The following CACNA1D variants were observed in gnomAD, a reference collection of about 807,000 sequenced individuals.
The protein encoded by CACNA1D is voltage-dependent L-type calcium channel subunit alpha-1D.
In CACNA1D, 55 loss-of-function variants were observed where a neutral mutation model predicts 257.1. The ratio of observed to expected loss-of-function variants is 0.21; its 90% CI spans 0.17 to 0.27. The LOEUF (loss-of-function observed/expected upper bound fraction) is 0.27, where lower values mean the gene tolerates loss of function less well. Ranked by LOEUF, CACNA1D falls within the 10% of genes least tolerant of loss-of-function variation. The probability of loss-of-function intolerance (pLI) is 1.00; values close to 1 mark genes in which losing one functional copy is unlikely to be tolerated. For missense variants in CACNA1D, 1,876 were observed against 2,784.0 expected (o/e 0.67, Z 7.34); for synonymous variants, 980 against 1,014.9 (o/e 0.97, Z 0.65).
chr3:53,614,913 T>C (rs568153677), intron 3 of CACNA1D, among the ~76,000 whole-genome samples: 1 of 152,142 alleles, frequency 6.6e-6, no homozygotes, highest in African/African-American at 2.4e-5. Flanking sequence ...TCCTGTGGAA[T>C]AGTCTGTTAT....
chr3:53,593,086 C>T (rs762768029), intron 3 of CACNA1D, among the ~76,000 whole-genome samples: 10 of 152,140 alleles, frequency 6.6e-5, no homozygotes, highest in African/African-American at 1.7e-4. Context: ...GCCTTTTTCA[C>T]GGTCTGGGGG....
intron 5 of CACNA1D, among the ~76,000 whole-genome samples, chr3:53,663,052 T>G (rs996166348): frequency 6.6e-6 from 1 of 152,168 alleles, no homozygotes; most frequent in African/African-American, 2.4e-5. Flanking sequence ...CATGTGGACA[T>G]TTACATATCC....
intron 22 of CACNA1D, among the ~76,000 whole-genome samples, 155 bp from the exon 23 acceptor site, chr3:53,744,585 C>A (rs978308270): frequency 6.6e-6 from 1 of 152,110 alleles, no homozygotes; most frequent in African/African-American, 2.4e-5. Context: ...GAGAAGTCGC[C>A]TCTGAGTCGT....
Position 53,767,562 on chromosome 3 carries a change from T to C in CACNA1D, c.3871-2411T>C, listed in dbSNP as rs2095340498. Among the ~76,000 whole-genome samples, 3 of 70,636 alleles carry C rather than the reference T, an allele frequency of 4.2e-5. 1 individual carries two copies. The South Asian group carries it at 1.1e-3, about 26-fold the overall frequency. 46.3% of individuals were successfully genotyped at this position (70,636 alleles called of 152,430 possible). ...GCCTGGGTGACAGAGGGAGACTCTA[T>C]CTCAAAAAAAAAAAAAAAACAACAA... On this transcript the variant is annotated intron_variant, in intron 30 of 47. Transcript: ENST00000350061.
chr3:53,749,230 G>T (rs2095202594), intron 26 of CACNA1D, 38 bp from the exon 27 acceptor site: 1 of 1,480,362 alleles, frequency 6.8e-7, no homozygotes, highest in Non-Finnish European at 9.4e-7. Flanking sequence ...GTGGGCTGGG[G>T]GGCTTGGCAG....
chr3:53,680,648 C>T (rs1184806661), intron 8 of CACNA1D, among the ~76,000 whole-genome samples: 1 of 152,180 alleles, frequency 6.6e-6, no homozygotes, highest in Admixed American at 6.5e-5. Context: ...AAAGCTGTTG[C>T]TACCTTAATA....
At chr3:53,645,552 G>C (rs2680656) in intron 3 of CACNA1D, among the ~76,000 whole-genome samples, 1 of 151,936 alleles carries the variant, frequency 6.6e-6, no homozygotes, top group Admixed American at 6.6e-5. Context: ...CAGTTTTACC[G>C]TACCCCTTAT....
intron 3 of CACNA1D, among the ~76,000 whole-genome samples, chr3:53,642,396 A>T (rs1469203088): frequency 6.6e-6 from 1 of 152,230 alleles, no homozygotes; most frequent in African/African-American, 2.4e-5. Flanking sequence ...GCTTATGCCT[A>T]TCCCCGAACC....
intron 3 of CACNA1D, among the ~76,000 whole-genome samples, chr3:53,548,542 T>C (rs2092463710): frequency 1.3e-5 from 2 of 152,108 alleles, no homozygotes; most frequent in African/African-American, 4.8e-5. Context: ...GATGGTGCCT[T>C]CAGGTTGCTT....
intron 27 of CACNA1D, among the ~76,000 whole-genome samples, chr3:53,750,017 T>C (rs1016126439): frequency 3.3e-5 from 5 of 152,182 alleles, no homozygotes; most frequent in African/African-American, 1.2e-4. Flanking sequence ...CAAGTGTCCT[T>C]TGGGGGGCAA....
At chr3:53,678,455 C>T (rs2094397144) in intron 8 of CACNA1D, among the ~76,000 whole-genome samples, 2 of 152,118 alleles carry the variant, frequency 1.3e-5, no homozygotes, top group African/African-American at 2.4e-5. Flanking sequence ...CAGATCCTAC[C>T]AGATCACAGG....
chr3:53,733,930 T>TTTGTGTGTG (rs2095026701), intron 19 of CACNA1D, among the ~76,000 whole-genome samples: 1 of 134,034 alleles, frequency 7.5e-6, no homozygotes, highest in African/African-American at 2.9e-5. Flanking sequence ...GTGTGTGTGT[T>TTTGTGTGTG]TGTGTGTGTG....
intron 3 of CACNA1D, among the ~76,000 whole-genome samples, chr3:53,622,916 GTCTTGC>G (rs1329239837): frequency 8.6e-5 from 13 of 150,828 alleles, no homozygotes; most frequent in Admixed American, 8.6e-4. Context: ...TTGAGACGGA[GTCTTGC>G]TCTGTCACCC....
chr3:53,623,958 A>ATT lies in CACNA1D; in HGVS notation c.484-26820_484-26819insTT, dbSNP rs1230686147. On this transcript the variant is annotated intron_variant, in intron 3 of 47. Transcript: ENST00000350061. ...GTGCAGAGTTCATAAATAATTTAAA[A>ATT]TATACAGAGTTCTGGCTTTTCAACA... 2.0e-5 allele frequency among the ~76,000 whole-genome samples: 3 copies of ATT among 152,230 alleles called. No homozygotes were observed. In the South Asian group the frequency reaches 6.2e-4, roughly 32 times the overall value.
At chr3:53,505,271 G>C (rs2090790187) in intron 3 of CACNA1D, among the ~76,000 whole-genome samples, 1 of 151,844 alleles carries the variant, frequency 6.6e-6, no homozygotes, top group African/African-American at 2.4e-5. Context: ...AACATGCCTG[G>C]CTAATATTTT....
At chr3:53,755,010 A>G (rs1004739219) in intron 29 of CACNA1D, among the ~76,000 whole-genome samples, 1 of 152,204 alleles carries the variant, frequency 6.6e-6, no homozygotes, top group Non-Finnish European at 1.5e-5. Context: ...GCCAGATGTT[A>G]TTATCTACTG....
In CACNA1D at chr3:53,798,804, G is replaced by T. The variant is rs80132411; in HGVS notation, c.4924-1445G>T. Among the ~76,000 whole-genome samples, 1,110 of 152,316 alleles carry T rather than the reference G, an allele frequency of 7.3e-3. 17 individuals are homozygous for T. Among genetic ancestry groups the T allele is most frequent in the African/African-American group, 0.025 (1,020 of 41,568 alleles). ...AGGAGACCAGTTTTGAGCATCCCCA[G>T]ACCAGTGGGACCCAGCCCTGATGGA... is the stretch of plus-strand genomic sequence containing the variant. On this transcript the variant is annotated intron_variant, in intron 40 of 47. Coordinates refer to ENST00000350061, the MANE Select transcript of CACNA1D (RefSeq NM_001128840.3).
intron 3 of CACNA1D, among the ~76,000 whole-genome samples, chr3:53,632,477 C>T (rs1468270154): frequency 6.6e-6 from 1 of 152,346 alleles, no homozygotes; most frequent in East Asian, 1.9e-4. Context: ...TTCTTATCAT[C>T]ATTTGTTCAT....
intron 3 of CACNA1D, among the ~76,000 whole-genome samples, chr3:53,513,712 C>G (rs867834365): frequency 5.9e-5 from 9 of 152,228 alleles, no homozygotes; most frequent in South Asian, 2.1e-4. Context: ...TTCACATTCA[C>G]TCATCACTAC....
Sources: allele counts gnomAD v4.1 joint callset (sites outside exome capture counted in the v4.1 genomes callset), GRCh38; gene constraint gnomAD v4.1.1; transcripts MANE v1.5; gene names NCBI Gene and HGNC (gene_info 2026-07-23, HGNC 2026-07-21).